The following ZNF71 variants were observed in gnomAD, a reference collection of about 807,000 sequenced individuals.
ZNF71 encodes the protein endothelial zinc finger protein induced by tumor necrosis factor alpha.
In ZNF71, 3 loss-of-function variants were observed where a neutral mutation model predicts 6.7. That is an observed-to-expected ratio of 0.45 (90% CI 0.20 to 1.16). The LOEUF is 1.16. Among genes scored for constraint, ZNF71 ranks in the 50% most tolerant of loss-of-function variants. The pLI is 0.25. For missense variants in ZNF71, 688 were observed against 728.6 expected (o/e 0.94, Z 0.64); for synonymous variants, 343 against 311.1 (o/e 1.10, Z -1.08).
Position 56,598,351 on chromosome 19 carries a change from G to A in ZNF71, c.-53+2923G>A, listed in dbSNP as rs2044641833. On this transcript the variant is annotated intron_variant, in intron 1 of 3. Coordinates refer to ENST00000599599, the MANE Select transcript of ZNF71 (RefSeq NM_001370215.1). The surrounding 1 kb of genome is among the most constrained non-coding windows in gnomAD (Gnocchi z 4.2). ...GAGTAGAGGAGATGGAAGGGGAGAGGCCATCAGGGGCACATCATAAGGGCT... is the reference window on the plus strand; with the variant it reads ...GAGTAGAGGAGATGGAAGGGGAGAGACCATCAGGGGCACATCATAAGGGCT... Among the ~76,000 whole-genome samples the A allele has an allele frequency of 6.6e-6, 1 of 151,916 alleles. No individual in the cohort carries two copies. Among genetic ancestry groups the A allele is most frequent in the African/African-American group, 2.4e-5 (1 of 41,360 alleles).
intron 1 of ZNF71, among the ~76,000 whole-genome samples, chr19:56,595,734 T>TG (rs1400872542): frequency 6.6e-6 from 1 of 151,958 alleles, no homozygotes; most frequent in Non-Finnish European, 1.5e-5. Context: ...TGTGTCTTTG[T>TG]GGATATTGTG....
intron 2 of ZNF71, among the ~76,000 whole-genome samples, chr19:56,607,693 A>AAAAC (rs36163786): frequency 2.0e-5 from 3 of 152,038 alleles, no homozygotes; most frequent in East Asian, 1.9e-4. Context: ...TGTCTTTCAA[A>AAAAC]AAACAAACAA....
In ZNF71 at chr19:56,621,829, C is replaced by CAGCG; in HGVS notation, c.722_723insAGCG (p.Gly242AlafsTer361). Reference sequence around the variant, plus strand: ...CTCACCATCCACCAGCGGGTGCACACGGGCGAGAAGCCCTATGCCTGCGGG... The same window carrying CAGCG: ...CTCACCATCCACCAGCGGGTGCACACAGCGGGGCGAGAAGCCCTATGCCTGCGGG... On this transcript the variant is annotated frameshift_variant, in exon 4 of 4. Coordinates refer to ENST00000599599, the MANE Select transcript of ZNF71 (RefSeq NM_001370215.1). LOFTEE classifies it low-confidence loss of function (END_TRUNC). 6.2e-7 allele frequency: 1 copy of CAGCG among 1,612,072 alleles called. No individual in the cohort carries two copies. The highest frequency in any genetic ancestry group is 1.1e-5 in the South Asian group (1 of 91,056).
In ZNF71 at chr19:56,621,958, G is replaced by A. The variant is rs778418524; in HGVS notation, c.851G>A (p.Arg284Gln). ...TGCGACGTGTGTGGCAAGGCCTTCCGGAAGACTTCCTCTCTCACCCAGCAC... is the reference window on the plus strand; with the variant it reads ...TGCGACGTGTGTGGCAAGGCCTTCCAGAAGACTTCCTCTCTCACCCAGCAC... ...YVCDVCGKAF[R>Q]KTSSLTQHER... The change falls in exon 4 of 4, where the codon CGG becomes CAG. Residue 284 changes from arginine to glutamine, a missense_variant. Arg to Gln is a conservative substitution (Grantham distance 43, BLOSUM62 1). Transcript: ENST00000599599. 3 of 1,605,022 alleles carry A rather than the reference G, an allele frequency of 1.9e-6. No individual in the cohort carries two copies. Among genetic ancestry groups the A allele is most frequent in the African/African-American group, 1.4e-5 (1 of 70,858 alleles).
At chr19:56,620,383 C>G (rs1438435125) in intron 3 of ZNF71, among the ~76,000 whole-genome samples, 2 of 152,098 alleles carry the variant, frequency 1.3e-5, no homozygotes, top group African/African-American at 4.8e-5. Context: ...AGCCAGTGGG[C>G]AAAGTCAGCA....
chr19:56,606,225 C>T (rs936264557), intron 2 of ZNF71, among the ~76,000 whole-genome samples: 1 of 152,110 alleles, frequency 6.6e-6, no homozygotes, highest in Non-Finnish European at 1.5e-5. Flanking sequence ...ATGCCCAGTG[C>T]CTGGTGCATG....
At chr19:56,600,185 A>ATTT (rs1169322389) in intron 1 of ZNF71, among the ~76,000 whole-genome samples, 3 of 24,928 alleles carry the variant, frequency 1.2e-4, no homozygotes, top group Non-Finnish European at 1.7e-4. Flanking sequence ...AACCCTCTGT[A>ATTT]TTTTTTTTTT....
intron 1 of ZNF71, among the ~76,000 whole-genome samples, chr19:56,599,630 G>A (rs2044651584): frequency 6.6e-6 from 1 of 151,882 alleles, no homozygotes; most frequent in African/African-American, 2.4e-5. Flanking sequence ...GGATAAATGG[G>A]GTATCTGTCA....
At chr19:56,610,828 G>T (rs1034269536) in intron 2 of ZNF71, among the ~76,000 whole-genome samples, 4 of 152,158 alleles carry the variant, frequency 2.6e-5, no homozygotes, top group Admixed American at 6.5e-5. Context: ...ATATTTCATG[G>T]AGCAGAATGT....
intron 2 of ZNF71, among the ~76,000 whole-genome samples, chr19:56,608,175 A>G (rs1409224759): frequency 2.0e-5 from 3 of 152,146 alleles, no homozygotes; most frequent in African/African-American, 7.2e-5. Flanking sequence ...TGTGCAGTTG[A>G]GTGGCATTAA....
intron 2 of ZNF71, among the ~76,000 whole-genome samples, chr19:56,607,686 C>A (rs1568505198): frequency 7.0e-6 from 1 of 142,360 alleles, no homozygotes; most frequent in Non-Finnish European, 1.6e-5. Context: ...ACTGCACTGT[C>A]TTTCAAAAAA....
At chr19:56,597,940 A>G (rs945724811) in intron 1 of ZNF71, among the ~76,000 whole-genome samples, 3 of 152,118 alleles carry the variant, frequency 2.0e-5, no homozygotes, top group Non-Finnish European at 4.4e-5. Flanking sequence ...AATCCTGGCC[A>G]GCACTAGAAG....
chr19:56,602,429 G>T (rs1170573526), intron 2 of ZNF71, among the ~76,000 whole-genome samples: 1 of 152,208 alleles, frequency 6.6e-6, no homozygotes, highest in Non-Finnish European at 1.5e-5. Flanking sequence ...GCGGGTCTCT[G>T]ATGATTTATA....
In ZNF71 at chr19:56,600,200, T is replaced by TA. The variant is rs1317251382; in HGVS notation, c.-52-1307_-52-1306insA. Among the ~76,000 whole-genome samples, 13 of 11,148 alleles carry TA rather than the reference T, an allele frequency of 1.2e-3. 6 individuals carry two copies. Among genetic ancestry groups the TA allele is most frequent in the African/African-American group, 4.6e-3 (13 of 2,830 alleles). The allele number at this position is 11,148 out of a possible 152,430, so 7.3% of individuals were successfully genotyped here. On this transcript the variant is annotated intron_variant, in intron 1 of 3. Transcript: ENST00000599599. ...AACCCTCTGTATTTTTTTTTTTTTT[T>TA]TTTTTTTTGAGACGGAGTCTCGCTC...
Position 56,603,586 on chromosome 19 carries a change from GTGGAATGT to G in ZNF71, c.33+1999_33+2006del. On this transcript the variant is annotated intron_variant, in intron 2 of 3. Transcript: ENST00000599599. This position sits in a 1 kb window ranked among gnomAD's most constrained non-coding sequence, Gnocchi z 4.6. ...AGTTCTCTTAGGTGTGTACCTGGAA[GTGGAATGT>G]TGGGTCATATGGTTAACTCTGTTGA... Among the ~76,000 whole-genome samples the G allele has an allele frequency of 6.6e-6, 1 of 152,188 alleles. No homozygotes were observed. The highest frequency in any genetic ancestry group is 1.9e-4 in the East Asian group (1 of 5,194).
chr19:56,617,112 G>GTTTTGTTTTTTTTTTTTTTTTTTTTTT (rs1555776017), intron 3 of ZNF71, among the ~76,000 whole-genome samples: 1 of 140,646 alleles, frequency 7.1e-6, no homozygotes, highest in Non-Finnish European at 1.5e-5. Flanking sequence ...ATTTTCTTTT[G>GTTTTGTTTTTTTTTTTTTTTTTTTTTT]TTTTTTTTTG....
intron 3 of ZNF71, among the ~76,000 whole-genome samples, chr19:56,617,112 G>GTTTTGTTTTTTTTT (rs1555776017): frequency 1.4e-5 from 2 of 140,642 alleles, no homozygotes; most frequent in South Asian, 2.3e-4. Flanking sequence ...ATTTTCTTTT[G>GTTTTGTTTTTTTTT]TTTTTTTTTG....
At chr19:56,619,282 G>A (rs2044823903) in intron 3 of ZNF71, among the ~76,000 whole-genome samples, 1 of 151,784 alleles carries the variant, frequency 6.6e-6, no homozygotes, top group Non-Finnish European at 1.5e-5. Flanking sequence ...TTCATCTCCC[G>A]CAAATGAAAC....
chr19:56,609,539 GATAT>G (rs2044733998), intron 2 of ZNF71, among the ~76,000 whole-genome samples: 1 of 151,898 alleles, frequency 6.6e-6, no homozygotes, highest in Non-Finnish European at 1.5e-5. Flanking sequence ...TGAGGCATAC[GATAT>G]GGATTTTGCC....
Sources: gnomAD v4.1 joint callset for allele counts (sites outside exome capture counted in the v4.1 genomes callset) on GRCh38, gnomAD v4.1.1 for gene constraint, Gnocchi (gnomAD v3.1) non-coding constraint, MANE v1.5 for transcripts, NCBI Gene and HGNC (gene_info 2026-07-23, HGNC 2026-07-21) for gene names.